PHIP: variants seen among roughly 807,000 people sequenced by gnomAD.
PHIP encodes PH-interacting protein.
A neutral mutation model predicts 236.8 loss-of-function variants in PHIP; 54 were observed. That is an observed-to-expected ratio of 0.23 (90% CI 0.18 to 0.29). PHIP has a LOEUF of 0.29. Among genes scored for constraint, PHIP ranks in the 10% least tolerant of loss-of-function variants. The pLI is 1.00. For missense variants in PHIP, 1,370 were observed against 2,190.8 expected (o/e 0.63, Z 7.48); for synonymous variants, 756 against 718.9 (o/e 1.05, Z -0.83).
chr6:78,946,903 C>T (rs780845084), intron 36 of PHIP, 29 bp from the exon 37 acceptor site: 9 of 1,482,462 alleles, frequency 6.1e-6, no homozygotes, highest in Admixed American at 2.5e-5. Flanking sequence ...AGTGTTCAAC[C>T]ATTCCTTGGA....
Position 79,025,593 on chromosome 6 carries a change from C to G in PHIP, c.849G>C (p.Lys283Asn). The G allele has an allele frequency of 6.2e-7, 1 of 1,610,264 alleles. No individual in the cohort carries two copies. Among genetic ancestry groups the G allele is most frequent in the Non-Finnish European group, 8.5e-7 (1 of 1,176,636 alleles). Residue 283 changes from lysine (K) to asparagine (N), a missense_variant, in exon 9 of 40, where the codon AAG (lysine) becomes AAC (asparagine). Transcript: ENST00000275034. ...CTGCCCCAGTAGAAGATAGATATCT[C>G]TTTGAGCCACTGCACAATGGTGAGA... ...LQFSPLCSGS[K>N]RYLSSTGADG... is the part of the protein sequence containing the mutation.
intron 24 of PHIP, 76 bp from the exon 25 acceptor site, chr6:78,970,964 G>T: frequency 3.1e-6 from 3 of 960,366 alleles, no homozygotes; most frequent in East Asian, 2.7e-5. Flanking sequence ...AGCTGAAATT[G>T]CAAAGAGAAA....
chr6:79,002,372 A>G (rs1770048917), intron 16 of PHIP, among the ~76,000 whole-genome samples: 1 of 152,116 alleles, frequency 6.6e-6, no homozygotes, highest in Non-Finnish European at 1.5e-5. Context: ...TATACACAGG[A>G]GTCCCCTCTT....
At chr6:79,059,591 T>TTATATATA (rs72226338) in intron 6 of PHIP, among the ~76,000 whole-genome samples, 1,181 of 84,518 alleles carry the variant, frequency 0.014, 16 homozygotes, top group South Asian at 0.02. Flanking sequence ...GAAAGCAAAA[T>TTATATATA]TATATATATA....
intron 23 of PHIP, among the ~76,000 whole-genome samples, chr6:78,979,369 C>G (rs1349367854): frequency 6.6e-6 from 1 of 152,032 alleles, no homozygotes; most frequent in Non-Finnish European, 1.5e-5. Flanking sequence ...TTCTCCTTTC[C>G]TTTCAAAATG....
intron 7 of PHIP, among the ~76,000 whole-genome samples, chr6:79,030,524 G>A (rs1030631543): frequency 4.1e-4 from 62 of 152,300 alleles, no homozygotes; most frequent in African/African-American, 1.4e-3. Flanking sequence ...TGATAATTGA[G>A]TTTTAAATGC....
intron 15 of PHIP, chr6:79,004,379 A>AT: frequency 1.0e-6 from 1 of 984,128 alleles, no homozygotes; most frequent in Non-Finnish European, 1.2e-6. Flanking sequence ...TTACCTGATA[A>AT]TTGTTTTCTG....
chr6:78,950,904 T>C (rs867906009), intron 35 of PHIP, among the ~76,000 whole-genome samples: 2 of 152,158 alleles, frequency 1.3e-5, no homozygotes, highest in African/African-American at 2.4e-5. Flanking sequence ...TACTCTTCTT[T>C]CTCTAGGTTC....
chr6:79,053,781 A>C (rs1233802894), intron 6 of PHIP, among the ~76,000 whole-genome samples: 2 of 152,226 alleles, frequency 1.3e-5, no homozygotes, highest in East Asian at 3.8e-4. Flanking sequence ...CTCTGGAAAA[A>C]TATGTGATGC....
intron 19 of PHIP, among the ~76,000 whole-genome samples, chr6:78,995,357 T>C (rs540863815): frequency 6.6e-5 from 10 of 152,358 alleles, no homozygotes; most frequent in African/African-American, 2.2e-4. Context: ...ACATGAGTTT[T>C]CATTTCTTTA....
At position 79,002,006 on chromosome 6, in the gene PHIP, A is replaced by C. The variant is rs1189408750; in HGVS notation, c.1772T>G (p.Val591Gly). Residue 591 changes from valine (V) to glycine (G), a missense_variant, in exon 17 of 40, where the codon GTT (valine) becomes GGT (glycine). By Grantham distance (109) the Val-to-Gly change is moderately radical (BLOSUM62 -3). Around this residue, in one of 14 missense-constraint regions of PHIP, gnomAD observed 133 missense variants for 245.2 expected, o/e 0.54. Coordinates refer to ENST00000275034, the MANE Select transcript of PHIP (RefSeq NM_017934.7). The stretch of plus-strand genomic sequence containing the variant: ...TGGATGAGGGTTACCATCAACATCA[A>C]CCAAAAAAGGGGGAGGCATAAGATG... ...APHLMPPPFLVDVDGNPHPSR... is the reference protein window; with the variant it reads ...APHLMPPPFLGDVDGNPHPSR... The C allele has an allele frequency of 6.2e-7, 1 of 1,613,164 alleles. No individual in the cohort carries two copies. Among genetic ancestry groups the C allele is most frequent in the African/African-American group, 1.3e-5 (1 of 74,854 alleles).
chr6:79,056,657 C>A lies in PHIP; in HGVS notation c.439+3821G>T, dbSNP rs6454095. Among the ~76,000 whole-genome samples, 3 of 152,084 alleles carry A rather than the reference C, an allele frequency of 2.0e-5. No individual in the cohort carries two copies. In the South Asian group the frequency reaches 6.2e-4, roughly 32 times the overall value. On this transcript the variant is annotated intron_variant, in intron 6 of 39. Coordinates refer to ENST00000275034, the MANE Select transcript of PHIP (RefSeq NM_017934.7). ...ATGCTAATAAACATCCAACAATGCA[C>A]AGGAAAGCTGCCTACATCCAGGAAT...
chr6:79,022,225 G>C (rs1771155086), intron 9 of PHIP, among the ~76,000 whole-genome samples: 1 of 152,084 alleles, frequency 6.6e-6, no homozygotes, highest in African/African-American at 2.4e-5. Flanking sequence ...CTGTAAAACA[G>C]GGGTAAAACG....
intron 7 of PHIP, among the ~76,000 whole-genome samples, chr6:79,036,616 T>G (rs776293442): frequency 6.6e-6 from 1 of 152,100 alleles, no homozygotes; most frequent in Non-Finnish European, 1.5e-5. Context: ...TAATCTTTTT[T>G]CTGAACCATT....
rs200597515 is a variant in PHIP, at chr6:79,039,082, A to G, written c.600+3761T>C. The stretch of plus-strand genomic sequence containing the variant: ...AAACTTTTTGCCAATTTCTCTGTAT[A>G]TAGAGTTAGTTTGAATCCATCTTCT... On this transcript the variant is annotated intron_variant, in intron 7 of 39. Coordinates refer to ENST00000275034, the MANE Select transcript of PHIP (RefSeq NM_017934.7). Among the ~76,000 whole-genome samples, 6 of 152,190 alleles carry G rather than the reference A, an allele frequency of 3.9e-5. No homozygotes were observed. The East Asian group carries it at 7.7e-4, about 20-fold the overall frequency.
Position 78,998,252 on chromosome 6 carries a change from A to C in PHIP, c.2017+2T>G, listed in dbSNP as rs759350065. The C allele has an allele frequency of 6.2e-7, 1 of 1,605,460 alleles. No homozygotes were observed. The highest frequency in any genetic ancestry group is 1.7e-5 in the Admixed American group (1 of 59,930). ...TTCACTTAAAATAGAATACCTGCTT[A>C]CCTCTACTTAAACGGCTGGTATTAC... is the stretch of plus-strand genomic sequence containing the variant. On this transcript the variant is annotated splice_donor_variant, in intron 18 of 39. Transcript: ENST00000275034. LOFTEE classifies it high-confidence loss of function.
chr6:79,042,641 T>A (rs1260570608), intron 7 of PHIP, among the ~76,000 whole-genome samples: 1 of 152,044 alleles, frequency 6.6e-6, no homozygotes, highest in Non-Finnish European at 1.5e-5. Flanking sequence ...GTGACTGTGC[T>A]GCAACATGTC....
chr6:78,972,283 T>G (rs1384828797), intron 24 of PHIP, among the ~76,000 whole-genome samples: 3 of 152,146 alleles, frequency 2.0e-5, no homozygotes, highest in Non-Finnish European at 4.4e-5. Context: ...CACCTCACAC[T>G]GCAGGGTACT....
chr6:78,973,129 A>C (rs953192747), intron 24 of PHIP, among the ~76,000 whole-genome samples: 1 of 152,134 alleles, frequency 6.6e-6, no homozygotes. Flanking sequence ...GCCAGAGAGA[A>C]AGGTCGGGTT....
Sources: gnomAD v4.1 joint callset for allele counts (sites outside exome capture counted in the v4.1 genomes callset) on GRCh38, gnomAD v4.1.1 for gene constraint, gnomAD v4.1.1 regional missense constraint, MANE v1.5 for transcripts, NCBI Gene and HGNC (gene_info 2026-07-23, HGNC 2026-07-21) for gene names.